The following B4GALNT3 variants were observed in gnomAD, a reference collection of about 807,000 sequenced individuals.
The protein encoded by B4GALNT3 is beta-1,4-N-acetylgalactosaminyltransferase 3.
Under a neutral mutation model 120.2 loss-of-function variants are expected in B4GALNT3, and 86 were observed. The ratio of observed to expected loss-of-function variants is 0.72; its 90% CI spans 0.60 to 0.86. The LOEUF is 0.86. B4GALNT3 is among the 40% of genes least tolerant of loss of function. The pLI is 0.00. For synonymous variants in B4GALNT3, 518 were observed against 510.4 expected, an observed-to-expected ratio of 1.01 and a Z score of -0.20; for missense variants, 1,167 against 1,298.9, an observed-to-expected ratio of 0.90 and a Z score of 1.56.
chr12:512,208 C>CCTT (rs1437705058), intron 1 of B4GALNT3, among the ~76,000 whole-genome samples: 4 of 109,364 alleles, frequency 3.7e-5, no homozygotes, highest in East Asian at 2.8e-4. Flanking sequence ...CCACCTTCCA[C>CCTT]CTTCCACCTT....
chr12:530,070 G>A lies in B4GALNT3; in HGVS notation c.170-5096G>A, dbSNP rs139934034. Among the ~76,000 whole-genome samples, 100 of 134,202 alleles carry A rather than the reference G, an allele frequency of 7.5e-4. 5 individuals are homozygous for A. The highest frequency in any genetic ancestry group is 2.9e-3 in the African/African-American group (99 of 33,700). The allele number at this position is 134,202 out of a possible 152,430, so 88.0% of individuals were successfully genotyped here. A position where few individuals can be genotyped will look rare whatever the true frequency, so the allele number is the denominator to read the frequency against. On this transcript the variant is annotated intron_variant, in intron 1 of 19. Transcript: ENST00000266383. ...AGGAGCAAAAACAATACATCCTGCC[G>A]TGTACCTTCGGTAAAGGTGAGCTGC...
intron 1 of B4GALNT3, among the ~76,000 whole-genome samples, chr12:461,020 G>A (rs1455420628): frequency 2.0e-5 from 3 of 152,290 alleles, no homozygotes; most frequent in South Asian, 2.1e-4. Flanking sequence ...ACCGCCTTCT[G>A]TTTGGCTCAC....
At chr12:512,316 ACCTTCCACCTTCCACCTT>A (rs1946590287) in intron 1 of B4GALNT3, among the ~76,000 whole-genome samples, 3 of 65,126 alleles carry the variant, frequency 4.6e-5, no homozygotes, top group African/African-American at 2.4e-4. Context: ...ACCTTCTTCC[ACCTTCCACCTTCCACCTT>A]CCTTCCACCT....
intron 1 of B4GALNT3, among the ~76,000 whole-genome samples, chr12:499,942 GTTTTAT>G (rs1172022762): frequency 2.6e-5 from 4 of 152,206 alleles, no homozygotes; most frequent in Admixed American, 2.6e-4. Context: ...GGAGGCAGCT[GTTTTAT>G]TTTTCTTGTT....
At position 484,696 on chromosome 12, in the gene B4GALNT3, T is replaced by C. The variant is rs1017950758; in HGVS notation, c.169+24151T>C. Among the ~76,000 whole-genome samples, 7 of 151,294 alleles carry C rather than the reference T, an allele frequency of 4.6e-5. No individual in the cohort carries two copies. The South Asian group carries it at 1.5e-3, about 32-fold the overall frequency. On this transcript the variant is annotated intron_variant, in intron 1 of 19. Transcript: ENST00000266383. ...GCTAAGCAATGACCTGGATGCCGCC[T>C]GGCCCCAGGCTGGCCCAAGGATTAG...
At chr12:468,809 T>C (rs550565323) in intron 1 of B4GALNT3, among the ~76,000 whole-genome samples, 3 of 152,334 alleles carry the variant, frequency 2.0e-5, no homozygotes, top group Non-Finnish European at 4.4e-5. Flanking sequence ...TTCTTTGAAA[T>C]TGTGTTCTCG....
intron 1 of B4GALNT3, among the ~76,000 whole-genome samples, chr12:467,932 G>A (rs528855617): frequency 1.3e-5 from 2 of 152,250 alleles, no homozygotes; most frequent in East Asian, 1.9e-4. Context: ...GATTTCTCTC[G>A]TCGTGTTGGT....
chr12:511,445 C>CCTTCCACCTTCTTCCACCTTCCACCTT (rs1565597893), intron 1 of B4GALNT3, among the ~76,000 whole-genome samples: 1 of 73,568 alleles, frequency 1.4e-5, no homozygotes. Flanking sequence ...CCACCTTCCA[C>CCTTCCACCTTCTTCCACCTTCCACCTT]CTTCCACCTT....
At chr12:533,367 C>T (rs902392532) in intron 1 of B4GALNT3, among the ~76,000 whole-genome samples, 1 of 152,234 alleles carries the variant, frequency 6.6e-6, no homozygotes, top group African/African-American at 2.4e-5. Flanking sequence ...CTGCCCTGAA[C>T]TCGCCAGACC....
chr12:504,472 T>G (rs1204506772), intron 1 of B4GALNT3, among the ~76,000 whole-genome samples: 1 of 151,446 alleles, frequency 6.6e-6, no homozygotes, highest in Non-Finnish European at 1.5e-5. Flanking sequence ...CGAACTCTTT[T>G]TTTCTGAGAT....
chr12:539,343 A>G (rs1362762599), intron 3 of B4GALNT3, among the ~76,000 whole-genome samples: 2 of 152,158 alleles, frequency 1.3e-5, no homozygotes, highest in African/African-American at 4.8e-5. Context: ...CCAAAATGCT[A>G]TGTCTGCCAG....
rs1003417393 is a variant in B4GALNT3, at chr12:507,598, TCACCCCA to T, written c.170-27562_170-27556del. On this transcript the variant is annotated intron_variant, in intron 1 of 19. Coordinates refer to ENST00000266383, the MANE Select transcript of B4GALNT3 (RefSeq NM_173593.4). The stretch of plus-strand genomic sequence containing the variant: ...CCCCACGCCCTCCACCCTACATCCC[TCACCCCA>T]CACCCTACGCCCTGCGAGTGGCTCT... Among the ~76,000 whole-genome samples the T allele has an allele frequency of 1.3e-3, 194 of 152,298 alleles. 1 individual carries two copies. Among genetic ancestry groups the T allele is most frequent in the African/African-American group, 4.6e-3 (190 of 41,570 alleles).
At chr12:495,606 C>T (rs1427200263) in intron 1 of B4GALNT3, among the ~76,000 whole-genome samples, 1 of 152,174 alleles carries the variant, frequency 6.6e-6, no homozygotes, top group African/African-American at 2.4e-5. Flanking sequence ...TGCAGAGATG[C>T]TCCCTTCTTA....
At chr12:472,001 C>T (rs889542060) in intron 1 of B4GALNT3, among the ~76,000 whole-genome samples, 2 of 152,164 alleles carry the variant, frequency 1.3e-5, no homozygotes, top group African/African-American at 2.4e-5. Context: ...AGTCCTCTGG[C>T]TTGAATTTCT....
chr12:545,596 TC>T, intron 6 of B4GALNT3, 127 bp downstream of exon 6: 1 of 922,144 alleles, frequency 1.1e-6, no homozygotes, highest in African/African-American at 1.7e-5. Flanking sequence ...GGAAAAGAAG[TC>T]TCCTCCCTCA....
intron 14 of B4GALNT3, chr12:555,422 C>T: frequency 2.2e-6 from 1 of 454,980 alleles, no homozygotes; most frequent in Non-Finnish European, 4.4e-6. Flanking sequence ...TTAAACACTT[C>T]ATTCCTCGAT....
At chr12:514,827 G>A (rs556145195) in intron 1 of B4GALNT3, among the ~76,000 whole-genome samples, 4 of 151,948 alleles carry the variant, frequency 2.6e-5, no homozygotes, top group African/African-American at 9.7e-5. Context: ...TCAGGAGCTC[G>A]AGACCAGCCT....
Position 518,025 on chromosome 12 carries a change from A to G in B4GALNT3, c.170-17141A>G, listed in dbSNP as rs76513031. 5.4e-3 allele frequency among the ~76,000 whole-genome samples: 820 copies of G among 152,362 alleles called. 5 individuals carry two copies. Among genetic ancestry groups the G allele is most frequent in the African/African-American group, 0.019 (798 of 41,578 alleles). On this transcript the variant is annotated intron_variant, in intron 1 of 19. Coordinates refer to ENST00000266383, the MANE Select transcript of B4GALNT3 (RefSeq NM_173593.4). The stretch of plus-strand genomic sequence containing the variant: ...TGTAAACTCTTTAAACCTCAGTTTT[A>G]TCGTTAGGAAAATGGGGAGAATAGT...
At chr12:510,152 A>T (rs1411393834) in intron 1 of B4GALNT3, among the ~76,000 whole-genome samples, 1 of 152,170 alleles carries the variant, frequency 6.6e-6, no homozygotes, top group Non-Finnish European at 1.5e-5. Context: ...TAGCTGCATG[A>T]CACTCCAGAG....
Sources: gnomAD v4.1 joint callset for allele counts (sites outside exome capture counted in the v4.1 genomes callset) on GRCh38, gnomAD v4.1.1 for gene constraint, MANE v1.5 for transcripts, NCBI Gene and HGNC (gene_info 2026-07-23, HGNC 2026-07-21) for gene names.